Variants in PIAS3 observed in about 807,000 individuals in gnomAD.
PIAS3 encodes the protein E3 SUMO-protein ligase PIAS3.
Under a neutral mutation model 67.6 loss-of-function variants are expected in PIAS3, and 34 were observed. The ratio of observed to expected loss-of-function variants is 0.50; its 90% CI spans 0.38 to 0.67. The LOEUF is 0.67. PIAS3 is among the 30% of genes least tolerant of loss of function. The pLI is 0.00. For missense variants in PIAS3, 693 were observed against 791.6 expected (o/e 0.88, Z 1.49); for synonymous variants, 341 against 313.8 (o/e 1.09, Z -0.92).
rs1183925207 is a variant in PIAS3 at position 145,853,872 on chromosome 1, T to C, written c.925A>G (p.Thr309Ala). The C allele has an allele frequency of 6.2e-7, 1 of 1,613,780 alleles. No homozygotes were observed. Among genetic ancestry groups the C allele is most frequent in the Non-Finnish European group, 8.5e-7 (1 of 1,179,994 alleles). ...HSRALIKEKL[T>A]ADPDSEVATT... The stretch of plus-strand genomic sequence containing the variant: ...GCCACCTCACTGTCAGGGTCAGCAG[T>C]CAATTTCTCCTTGACTGAAACAAAA... Residue 309 changes from threonine (T) to alanine (A), a missense_variant, in exon 8 of 14, where the codon ACT becomes GCT. This residue lies in a region of PIAS3 where 115 missense variants were observed against 181.8 expected (regional missense o/e 0.63). Coordinates refer to ENST00000393045, the MANE Select transcript of PIAS3 (RefSeq NM_006099.3).
chr1:145,849,793 T>C (rs1311536008), intron 13 of PIAS3, 81 bp from the exon 14 acceptor site: 1 of 1,504,624 alleles, frequency 6.6e-7, no homozygotes, highest in African/African-American at 1.4e-5. Flanking sequence ...AAATGCCGTA[T>C]GAGAGCAATC....
chr1:145,856,835 G>A lies in PIAS3; in HGVS notation c.196C>T (p.Pro66Ser), dbSNP rs1653210551. The change falls in exon 2 of 14, where the codon CCC becomes TCC. Residue 66 changes from proline (P) to serine (S), a missense_variant. Pro to Ser is a moderately conservative substitution (Grantham distance 74). Transcript: ENST00000393045. ...TCAGAGGGCCCCAGGGTCTTCCGGG[G>A]AAAGCGTCGTCGGTAAAGCTCTTTG... ...KIKELYRRRF[P>S]RKTLGPSDLS... The A allele has an allele frequency of 1.2e-6, 2 of 1,614,164 alleles. No homozygotes were observed. The highest frequency in any genetic ancestry group is 1.7e-6 in the Non-Finnish European group (2 of 1,180,014).
At position 145,854,557 on chromosome 1, in the gene PIAS3, A is replaced by T; in HGVS notation, c.811T>A (p.Ser271Thr). 6.2e-7 allele frequency: 1 copy of T among 1,613,068 alleles called. No individual in the cohort carries two copies. The highest frequency in any genetic ancestry group is 2.2e-5 in the East Asian group (1 of 44,876). ...TGCCTCACCAGGTACACAGACAAGGAGTAATTCTACTTGGAGGCAGGGGGT... is the reference window on the plus strand; with the variant it reads ...TGCCTCACCAGGTACACAGACAAGGTGTAATTCTACTTGGAGGCAGGGGGT... ...NWSSEFGRNY[S>T]LSVYLVRQLT... Residue 271 changes from serine to threonine, a missense_variant, in exon 7 of 14, where the codon TCC (serine) becomes ACC (threonine). Physicochemically the swap from Ser to Thr is moderately conservative, Grantham distance 58. Around this residue, in one of 3 missense-constraint regions of PIAS3, gnomAD observed 308 missense variants for 348.8 expected, o/e 0.88. Transcript: ENST00000393045.
chr1:145,856,356 A>G lies in PIAS3; in HGVS notation c.518T>C (p.Leu173Pro). Residue 173 changes from leucine (L) to proline (P), a missense_variant, in exon 3 of 14, where the codon CTT becomes CCT. Transcript: ENST00000393045. ...ACTGGAAGAGATGTACCTGGATGTA[A>G]GAATCTGCTGCACTTGCTGGGGTGT... ...ALTPQQVQQI[L>P]TSREVLPGAK... is the part of the protein sequence containing the mutation. The G allele has an allele frequency of 1.2e-6, 2 of 1,613,586 alleles. No individual in the cohort carries two copies. Among genetic ancestry groups the G allele is most frequent in the Non-Finnish European group, 1.7e-6 (2 of 1,179,472 alleles).
chr1:145,857,722 C>A (rs1045004152), intron 1 of PIAS3, among the ~76,000 whole-genome samples: 1 of 152,146 alleles, frequency 6.6e-6, no homozygotes, highest in Non-Finnish European at 1.5e-5. Flanking sequence ...AAACTTGGGT[C>A]GGGGAGATTA....
Position 145,859,017 on chromosome 1 carries a change from G to T in PIAS3, c.-27C>A. The T allele has an allele frequency of 6.5e-7, 1 of 1,542,356 alleles. No homozygotes were observed. Among genetic ancestry groups the T allele is most frequent in the Non-Finnish European group, 8.7e-7 (1 of 1,145,196 alleles). ...TTGAGACATCGCAGGCGCCCCAGCCGGAGCCGGAGCTCAGGCCCAGGGACC... is the reference window on the plus strand; with the variant it reads ...TTGAGACATCGCAGGCGCCCCAGCCTGAGCCGGAGCTCAGGCCCAGGGACC... On this transcript the variant is annotated 5_prime_UTR_variant, in exon 1 of 14. Transcript: ENST00000393045.
chr1:145,858,134 C>G (rs1210110399), intron 1 of PIAS3, among the ~76,000 whole-genome samples: 1 of 152,102 alleles, frequency 6.6e-6, no homozygotes, highest in African/African-American at 2.4e-5. Flanking sequence ...TTAGAAGACT[C>G]CCTTCTGTGA....
chr1:145,855,250 G>A (rs1653119169), intron 5 of PIAS3, among the ~76,000 whole-genome samples: 1 of 152,184 alleles, frequency 6.6e-6, no homozygotes, highest in Non-Finnish European at 1.5e-5. Flanking sequence ...AGGAAGCCGA[G>A]GTGGGTGGAT....
At chr1:145,851,296 T>G (rs1652954312) in intron 9 of PIAS3, 143 bp from the exon 10 acceptor site, 5 of 804,136 alleles carry the variant, frequency 6.2e-6, no homozygotes, top group Admixed American at 4.5e-5. Context: ...CGCTCTGAGT[T>G]GTTGGAATCA....
chr1:145,853,730 A>G, intron 8 of PIAS3, 66 bp from the exon 9 acceptor site: 1 of 1,607,148 alleles, frequency 6.2e-7, no homozygotes, highest in East Asian at 2.2e-5. Flanking sequence ...ACTTCACGCC[A>G]GTATCCCTAG....
chr1:145,851,363 A>G, intron 9 of PIAS3: 2 of 560,010 alleles, frequency 3.6e-6, no homozygotes, highest in Non-Finnish European at 6.4e-6. Flanking sequence ...TTTAAAATAA[A>G]TACAATCTGA....
rs1653184507 is a variant in PIAS3, at chr1:145,856,378, G to C, written c.496C>G (p.Pro166Ala). The C allele has an allele frequency of 1.2e-6, 2 of 1,613,990 alleles. No homozygotes were observed. Among genetic ancestry groups the C allele is most frequent in the Non-Finnish European group, 1.7e-6 (2 of 1,179,856 alleles). ...GTAAGAATCTGCTGCACTTGCTGGG[G>C]TGTGAGGGCAAAGGTAAAGTGCGCT... ...EEAHFTFALT[P>A]QQVQQILTSR... Residue 166 changes from proline (P) to alanine (A), a missense_variant, in exon 3 of 14, where the codon CCC (proline) becomes GCC (alanine). By Grantham distance (27) the Pro-to-Ala change is conservative. Around this residue, in one of 3 missense-constraint regions of PIAS3, gnomAD observed 308 missense variants for 348.8 expected, o/e 0.88. Transcript: ENST00000393045.
At chr1:145,857,139 G>T in intron 1 of PIAS3, 133 bp from the exon 2 acceptor site, 1 of 770,446 alleles carries the variant, frequency 1.3e-6, no homozygotes, top group South Asian at 1.7e-5. Context: ...TTCGCAGCTA[G>T]TGGATTACTG....
intron 9 of PIAS3, 165 bp from the exon 10 acceptor site, chr1:145,851,318 G>A (rs780028711): frequency 2.8e-6 from 2 of 706,440 alleles, no homozygotes; most frequent in Non-Finnish European, 2.5e-6. Flanking sequence ...ATAACACAAG[G>A]TATGTAAAAG....
At position 145,848,742 on chromosome 1, in the gene PIAS3, A is replaced by AACTT. The variant is rs1652834533; in HGVS notation, c.*700_*703dup. 2 of 403,128 alleles carry AACTT rather than the reference A, an allele frequency of 5.0e-6. No homozygotes were observed. Among genetic ancestry groups the AACTT allele is most frequent in the African/African-American group, 2.0e-5 (1 of 48,990 alleles). 25.0% of individuals were successfully genotyped at this position (403,128 alleles called of 1,614,324 possible). On this transcript the variant is annotated 3_prime_UTR_variant, in exon 14 of 14. Coordinates refer to ENST00000393045, the MANE Select transcript of PIAS3 (RefSeq NM_006099.3). The stretch of plus-strand genomic sequence containing the variant: ...TTAGGGGGGAATAAGAAACACTGTG[A>AACTT]ACTTAGATATATAAATAGAGAGAGA...
intron 1 of PIAS3, among the ~76,000 whole-genome samples, chr1:145,858,723 G>A (rs1221304510): frequency 1.1e-5 from 1 of 93,992 alleles, no homozygotes; most frequent in African/African-American, 4.3e-5. Flanking sequence ...CGCCCCCTGC[G>A]CCTCAGCCCC....
intron 1 of PIAS3, 39 bp from the exon 2 acceptor site, chr1:145,857,045 G>C (rs782707969): frequency 4.4e-6 from 7 of 1,579,084 alleles, no homozygotes; most frequent in Non-Finnish European, 5.2e-6. Context: ...ATCCTCCCTT[G>C]CACAGGCCTG....
In PIAS3 at chr1:145,853,313, G is replaced by A. The variant is rs1653032226; in HGVS notation, c.1145+191C>T. Among the ~76,000 whole-genome samples, 7 of 151,914 alleles carry A rather than the reference G, an allele frequency of 4.6e-5. No homozygotes were observed. The South Asian group carries it at 1.5e-3, about 31-fold the overall frequency. ...TAATCCCAGCTACTCAGGAGGCTGA[G>A]GCAGGAGTATCGCCTGAACCCGGGA... is the stretch of plus-strand genomic sequence containing the variant. On this transcript the variant is annotated intron_variant, in intron 9 of 13. Transcript: ENST00000393045.
At chr1:145,857,330 G>C (rs1553735843) in intron 1 of PIAS3, 2 of 379,004 alleles carry the variant, frequency 5.3e-6, no homozygotes, top group South Asian at 6.1e-5. Flanking sequence ...AGTCCATGCA[G>C]CCTCCCGCCT....
Sources: gnomAD v4.1 joint callset for allele counts (sites outside exome capture counted in the v4.1 genomes callset) on GRCh38, gnomAD v4.1.1 for gene constraint, gnomAD v4.1.1 regional missense constraint, MANE v1.5 for transcripts, NCBI Gene and HGNC (gene_info 2026-07-23, HGNC 2026-07-21) for gene names.